Variants in CDHR2 observed in about 807,000 individuals in gnomAD.
The protein encoded by CDHR2 is cadherin related family member 2.
Under a neutral mutation model 138.6 loss-of-function variants are expected in CDHR2, and 104 were observed. That is an observed-to-expected ratio of 0.75 (90% CI 0.64 to 0.88). CDHR2 has a LOEUF of 0.88. CDHR2 is among the 40% of genes least tolerant of loss of function. CDHR2 has a pLI of 0.00. For synonymous variants in CDHR2, 755 were observed against 742.8 expected, an observed-to-expected ratio of 1.02 and a Z score of -0.27; for missense variants, 1,624 against 1,727.6, an observed-to-expected ratio of 0.94 and a Z score of 1.06.
In CDHR2 at chr5:176,585,991, T is replaced by A; in HGVS notation, c.2772T>A (p.Asn924Lys). The A allele has an allele frequency of 6.2e-7, 1 of 1,614,032 alleles. No individual in the cohort carries two copies. The highest frequency in any genetic ancestry group is 8.5e-7 in the Non-Finnish European group (1 of 1,179,954). The change falls in exon 20 of 32, where the codon AAT becomes AAA. Residue 924 changes from asparagine to lysine, a missense_variant. Around this residue, in one of 3 missense-constraint regions of CDHR2, gnomAD observed 556 missense variants for 565.7 expected, o/e 0.98. Coordinates refer to ENST00000261944, the MANE Select transcript of CDHR2 (RefSeq NM_017675.6). ...TTACCATTGAGGACGTGAATGACAA[T>A]GCACCCTATTTTCTGCCTGAGAATA... is the stretch of plus-strand genomic sequence containing the variant. The part of the protein sequence containing the change: ...LLITIEDVND[N>K]APYFLPENKT...
At position 176,592,755 on chromosome 5, in the gene CDHR2, T is replaced by C. The variant is rs778950245; in HGVS notation, c.3767T>C (p.Val1256Ala). 18 of 1,613,840 alleles carry C rather than the reference T, an allele frequency of 1.1e-5. No individual in the cohort carries two copies. The highest frequency in any genetic ancestry group is 1.4e-5 in the Non-Finnish European group (17 of 1,179,832). Residue 1256 changes from valine (V) to alanine (A), a missense_variant, in exon 31 of 32, where the codon GTG (valine) becomes GCG (alanine). Around this residue, in one of 3 missense-constraint regions of CDHR2, gnomAD observed 556 missense variants for 565.7 expected, o/e 0.98. Coordinates refer to ENST00000261944, the MANE Select transcript of CDHR2 (RefSeq NM_017675.6). ...VNSLDDNSVD[V>A]DKNSQEIKEH... ...TCCCTGGACGACAACTCTGTGGATG[T>C]GGACAAGAACAGTCAGGAAATCAAG...
chr5:176,588,141 G>A (rs1018309487), intron 21 of CDHR2, among the ~76,000 whole-genome samples: 50 of 152,184 alleles, frequency 3.3e-4, no homozygotes, highest in Non-Finnish European at 5.1e-4. Context: ...TCCCCGCACG[G>A]AAATGAGGGA....
chr5:176,563,894 TCAG>T (rs1220613259), intron 1 of CDHR2, among the ~76,000 whole-genome samples: 2 of 152,132 alleles, frequency 1.3e-5, no homozygotes, highest in Non-Finnish European at 2.9e-5. Context: ...ACATATTCAA[TCAG>T]CACAAAAGAG....
intron 10 of CDHR2, 64 bp downstream of exon 10, chr5:176,575,645 C>T (rs1213640147): frequency 6.2e-7 from 1 of 1,601,198 alleles, no homozygotes; most frequent in African/African-American, 1.3e-5. Context: ...CCGTCAGAGT[C>T]CCTGGAGGCA....
At chr5:176,563,610 G>A (rs908618567) in intron 1 of CDHR2, among the ~76,000 whole-genome samples, 1 of 152,172 alleles carries the variant, frequency 6.6e-6, no homozygotes, top group Admixed American at 6.5e-5. Context: ...GCCACGGAAT[G>A]TCTATTCTTT....
intron 1 of CDHR2, among the ~76,000 whole-genome samples, chr5:176,557,334 T>C (rs1009221687): frequency 2.0e-5 from 3 of 151,976 alleles, no homozygotes; most frequent in Non-Finnish European, 2.9e-5. Context: ...GCCTCCCAAG[T>C]AGCTGGGACT....
At chr5:176,594,770 G>A (rs1474989910) in intron 31 of CDHR2, among the ~76,000 whole-genome samples, 3 of 152,194 alleles carry the variant, frequency 2.0e-5, no homozygotes, top group African/African-American at 7.2e-5. Context: ...GGTGGTGGCC[G>A]GGGCTCTGGC....
intron 7 of CDHR2, 108 bp from the exon 8 acceptor site, chr5:176,574,976 G>A: frequency 7.3e-7 from 1 of 1,368,678 alleles, no homozygotes; most frequent in Non-Finnish European, 1.0e-6. Context: ...GGTGCCAGTG[G>A]CGTGACTGGT....
Position 176,589,012 on chromosome 5 carries a change from T to G in CDHR2, c.2857-19T>G. On this transcript the variant is annotated intron_variant, in intron 21 of 31. Transcript: ENST00000261944. ...CTGGCCTGGCTGGGCCCCCAGATAT[T>G]GTCCACTCTTGCTCCCAGGCCAGAG... is the stretch of plus-strand genomic sequence containing the variant. 1.2e-6 allele frequency: 2 copies of G among 1,612,944 alleles called. No individual in the cohort carries two copies. The highest frequency in any genetic ancestry group is 1.1e-5 in the South Asian group (1 of 91,026).
At chr5:176,548,701 C>T (rs1045456836), upstream of CDHR2, among the ~76,000 whole-genome samples, 1 of 152,036 alleles carries the variant, frequency 6.6e-6, no homozygotes, top group Non-Finnish European at 1.5e-5. Context: ...CAAGATTGTG[C>T]CACTTCACTC....
At chr5:176,567,191 C>A (rs1395068964) in intron 3 of CDHR2, 12 of 339,282 alleles carry the variant, frequency 3.5e-5, no homozygotes, top group Admixed American at 2.4e-4. Flanking sequence ...TTTTTTGAGA[C>A]AGGGTCTGGC....
Position 176,592,794 on chromosome 5 carries a change from T to C in CDHR2, c.3792+14T>C. On this transcript the variant is annotated intron_variant, in intron 31 of 31. Transcript: ENST00000261944. ...CAGGAAATCAAGGCAAGATGGGGGA[T>C]GAATTGGTGCCTGGAGGTTCCAACT... 6.2e-7 allele frequency: 1 copy of C among 1,612,840 alleles called. No homozygotes were observed. The highest frequency in any genetic ancestry group is 8.5e-7 in the Non-Finnish European group (1 of 1,179,018).
chr5:176,561,597 C>T (rs867767015), intron 1 of CDHR2, among the ~76,000 whole-genome samples: 3 of 150,182 alleles, frequency 2.0e-5, no homozygotes, highest in Admixed American at 1.3e-4. Context: ...CCTGTGGGAG[C>T]ATTGAGGGCG....
Position 176,590,161 on chromosome 5 carries a change from G to A in CDHR2, c.3275+15G>A, listed in dbSNP as rs755488438. The stretch of plus-strand genomic sequence containing the variant: ...TCTGCAGCTCGGTGAGTGCCCAGAG[G>A]CCTGGGGGTGGGGTTGAGGGGGAGA... On this transcript the variant is annotated intron_variant, in intron 25 of 31. Coordinates refer to ENST00000261944, the MANE Select transcript of CDHR2 (RefSeq NM_017675.6). 6.2e-7 allele frequency: 1 copy of A among 1,612,754 alleles called. No individual in the cohort carries two copies. Among genetic ancestry groups the A allele is most frequent in the Non-Finnish European group, 8.5e-7 (1 of 1,179,028 alleles).
chr5:176,566,857 G>A (rs1018142676), intron 3 of CDHR2: 40 of 446,046 alleles, frequency 9.0e-5, no homozygotes, highest in East Asian at 4.3e-4. Flanking sequence ...CTGGTTGGCC[G>A]TGTGCCTAGC....
chr5:176,586,829 T>C lies in CDHR2; in HGVS notation c.2843T>C (p.Val948Ala), dbSNP rs1758682855. The part of the protein sequence containing the change: ...IPELVLPNRE[V>A]ASVRARDDDS... ...GAACTCGTGCTGCCCAACCGGGAGG[T>C]GGCTTCTGTCCGGGTAAGTTCTTGG... The change falls in exon 21 of 32, where the codon GTG (valine) becomes GCG (alanine). Residue 948 changes from valine (V) to alanine (A), a missense_variant. This residue lies in a region of CDHR2 where 556 missense variants were observed against 565.7 expected (regional missense o/e 0.98). Coordinates refer to ENST00000261944, the MANE Select transcript of CDHR2 (RefSeq NM_017675.6). 6.2e-7 allele frequency: 1 copy of C among 1,609,642 alleles called. No homozygotes were observed. Among genetic ancestry groups the C allele is most frequent in the African/African-American group, 1.3e-5 (1 of 74,828 alleles).
At chr5:176,566,084 T>A (rs1326955654) in intron 3 of CDHR2, among the ~76,000 whole-genome samples, 1 of 146,848 alleles carries the variant, frequency 6.8e-6, no homozygotes, top group Admixed American at 6.8e-5. Flanking sequence ...TCTCTCCCAC[T>A]CCCACGCTGG....
rs1256610593 is a variant in CDHR2, at chr5:176,549,697, C to G, written c.-16+283C>G. Among the ~76,000 whole-genome samples, 8 of 152,308 alleles carry G rather than the reference C, an allele frequency of 5.3e-5. No homozygotes were observed. In the East Asian group the frequency reaches 1.4e-3, roughly 26 times the overall value. On this transcript the variant is annotated intron_variant, in intron 1 of 31. Coordinates refer to ENST00000261944, the MANE Select transcript of CDHR2 (RefSeq NM_017675.6). ...GATTCTTCAGAGGATGGAAGGGAGG[C>G]AGGCACCCCAGGGAAACGAGGTAAC...
At position 176,592,870 on chromosome 5, in the gene CDHR2, A is replaced by G. The variant is rs536583323; in HGVS notation, c.3792+90A>G. 1.4e-4 allele frequency: 156 copies of G among 1,137,078 alleles called. 1 individual carries two copies. The African/African-American group carries it at 2.0e-3, about 14-fold the overall frequency. 70.4% of individuals were successfully genotyped at this position (1,137,078 alleles called of 1,614,324 possible). On this transcript the variant is annotated intron_variant, in intron 31 of 31. Transcript: ENST00000261944. ...GCAGAGCTCAAGGGACCTGCTACTG[A>G]CATGGGCAGTTCTGCTTCTCTGCAC...
Sources: allele counts gnomAD v4.1 joint callset (sites outside exome capture counted in the v4.1 genomes callset), GRCh38; gene constraint gnomAD v4.1.1; regional missense constraint gnomAD v4.1.1; transcripts MANE v1.5; gene names NCBI Gene and HGNC (gene_info 2026-07-23, HGNC 2026-07-21).